The following HERC2 variants were observed in gnomAD, a reference collection of about 807,000 sequenced individuals.
HERC2 encodes HECT and RLD domain containing E3 ubiquitin protein ligase 2.
A neutral mutation model predicts 537.7 loss-of-function variants in HERC2; 102 were observed. The ratio of observed to expected loss-of-function variants is 0.19; its 90% CI spans 0.16 to 0.22. The LOEUF is 0.22. Ranked by LOEUF, HERC2 falls within the 10% of genes least tolerant of loss-of-function variation. The pLI is 1.00. For missense variants in HERC2, 4,236 were observed against 6,198.2 expected, an observed-to-expected ratio of 0.68 and a Z score of 10.63; for synonymous variants, 2,224 against 2,466.2, an observed-to-expected ratio of 0.90 and a Z score of 2.91.
Position 28,288,146 on chromosome 15 carries a change from C to T in HERC2, c.322+4742G>A, listed in dbSNP as rs559112159. 4.6e-5 allele frequency among the ~76,000 whole-genome samples: 7 copies of T among 152,174 alleles called. No individual in the cohort carries two copies. The South Asian group carries it at 6.2e-4, about 14-fold the overall frequency. Reference sequence around the variant, plus strand: ...ACTTCTCTGTCAGAAGATCTAGAAACGGTAAAGGGAGATCTTCAAACTGAA... The same window carrying T: ...ACTTCTCTGTCAGAAGATCTAGAAATGGTAAAGGGAGATCTTCAAACTGAA... On this transcript the variant is annotated intron_variant, in intron 4 of 92. Transcript: ENST00000261609.
At chr15:28,264,032 A>C (rs1353475371) in intron 14 of HERC2, among the ~76,000 whole-genome samples, 2 of 151,736 alleles carry the variant, frequency 1.3e-5, no homozygotes, top group African/African-American at 2.4e-5. Flanking sequence ...AAAAAAAAAA[A>C]AAAAAACAAA....
chr15:28,271,626 G>C (rs1278073056), intron 9 of HERC2, among the ~76,000 whole-genome samples: 1 of 151,850 alleles, frequency 6.6e-6, no homozygotes, highest in Non-Finnish European at 1.5e-5. Flanking sequence ...CCGAGATCAC[G>C]CCACTGCACT....
chr15:28,153,054 A>G (rs1223658271), intron 69 of HERC2, among the ~76,000 whole-genome samples: 1 of 152,200 alleles, frequency 6.6e-6, no homozygotes, highest in African/African-American at 2.4e-5. Context: ...GGGATGATCT[A>G]TGTTAAAAAG....
intron 83 of HERC2, among the ~76,000 whole-genome samples, chr15:28,125,805 T>C (rs921273913): frequency 3.3e-5 from 5 of 152,114 alleles, no homozygotes; most frequent in African/African-American, 7.2e-5. Flanking sequence ...TCCCAAAGTG[T>C]TGGGATTACA....
chr15:28,271,835 C>T (rs1567099344), intron 9 of HERC2, among the ~76,000 whole-genome samples: 1 of 152,226 alleles, frequency 6.6e-6, no homozygotes, highest in Non-Finnish European at 1.5e-5. Flanking sequence ...GCTCCTCCCT[C>T]AGCTTGTTGT....
intron 1 of HERC2, among the ~76,000 whole-genome samples, chr15:28,321,866 A>C (rs1486129449): frequency 7.0e-6 from 1 of 143,764 alleles, no homozygotes; most frequent in East Asian, 2.1e-4. Context: ...TGCGTGAAAC[A>C]AAAAATTACT....
intron 11 of HERC2, 99 bp downstream of exon 11, chr15:28,269,149 G>A: frequency 2.3e-6 from 2 of 858,652 alleles, no homozygotes; most frequent in Non-Finnish European, 1.8e-6. Context: ...TCAATCTTCA[G>A]AAATCAAACG....
chr15:28,188,175 T>C (rs1896496773), intron 55 of HERC2, among the ~76,000 whole-genome samples: 1 of 151,934 alleles, frequency 6.6e-6, no homozygotes, highest in Non-Finnish European at 1.5e-5. Flanking sequence ...ATCATCTGAA[T>C]CAGAAACTGC....
chr15:28,228,278 G>GGTT lies in HERC2; in HGVS notation c.5401_5403dup (p.Asn1801dup). The GGTT allele has an allele frequency of 6.2e-7, 1 of 1,613,392 alleles. No individual in the cohort carries two copies. ...ATGCCGGAATTGAGCAGAAGGTCGA[G>GGTT]GTTGTTTGCGCCGTGCTGCAGGGTG... is the stretch of plus-strand genomic sequence containing the variant. On this transcript the variant is annotated inframe_insertion, in exon 35 of 93. Transcript: ENST00000261609.
chr15:28,251,330 C>T (rs1596324435), intron 20 of HERC2, among the ~76,000 whole-genome samples: 1 of 151,896 alleles, frequency 6.6e-6, no homozygotes, highest in Admixed American at 6.6e-5. Context: ...GTAGTCCCAG[C>T]CACTCAGGAG....
chr15:28,239,227 C>T (rs1902788481), intron 23 of HERC2, among the ~76,000 whole-genome samples: 2 of 152,118 alleles, frequency 1.3e-5, no homozygotes, highest in Middle Eastern at 6.8e-3. Flanking sequence ...CAAAATACTG[C>T]AGATCGAAAT....
rs570992506 is a variant in HERC2, at chr15:28,170,000, T to C, written c.10058-345A>G. On this transcript the variant is annotated intron_variant, in intron 65 of 92. Coordinates refer to ENST00000261609, the MANE Select transcript of HERC2 (RefSeq NM_004667.6). ...CCCGGTAAGACAAGACAAAAAAGAA[T>C]ACAAAACAACAAAGAGAAAAGATGT... Among the ~76,000 whole-genome samples, 53 of 152,256 alleles carry C rather than the reference T, an allele frequency of 3.5e-4. No homozygotes were observed. The South Asian group carries it at 9.1e-3, about 26-fold the overall frequency.
intron 16 of HERC2, among the ~76,000 whole-genome samples, chr15:28,258,011 A>G (rs2075312769): frequency 6.6e-6 from 1 of 152,124 alleles, no homozygotes; most frequent in African/African-American, 2.4e-5. Context: ...GCACATACAG[A>G]ATGTTCACTA....
intron 2 of HERC2, among the ~76,000 whole-genome samples, chr15:28,317,388 C>T (rs1232013062): frequency 1.3e-5 from 2 of 152,124 alleles, no homozygotes; most frequent in Admixed American, 6.6e-5. Context: ...CGCGCCCAGC[C>T]GAAGTGACAA....
chr15:28,236,297 CCT>C lies in HERC2; in HGVS notation c.4003+664_4003+665del, dbSNP rs554014660. 3.0e-4 allele frequency among the ~76,000 whole-genome samples: 45 copies of C among 151,464 alleles called. 1 individual carries two copies. In the South Asian group the frequency reaches 9.0e-3, roughly 30 times the overall value. On this transcript the variant is annotated intron_variant, in intron 26 of 92. Coordinates refer to ENST00000261609, the MANE Select transcript of HERC2 (RefSeq NM_004667.6). ...ATCATCATCAGCTGTGTTGAATCCG[CCT>C]CTCCTTTTGAGACGGAGTCTCGCTC...
intron 44 of HERC2, among the ~76,000 whole-genome samples, chr15:28,206,650 G>T (rs375231545): frequency 6.6e-6 from 1 of 151,270 alleles, no homozygotes; most frequent in Non-Finnish European, 1.5e-5. Flanking sequence ...TGGGTAACAC[G>T]GTGAAACCCC....
Position 28,248,654 on chromosome 15 carries a change from G to C in HERC2, c.3133C>G (p.Arg1045Gly). 1 of 1,613,782 alleles carries C rather than the reference G, an allele frequency of 6.2e-7. No homozygotes were observed. The highest frequency in any genetic ancestry group is 1.1e-5 in the South Asian group (1 of 91,070). The change falls in exon 21 of 93, where the codon CGT (arginine) becomes GGT (glycine). Residue 1045 changes from arginine to glycine, a missense_variant. Transcript: ENST00000261609. ...AAATCCAATGAAGCAGATCTTTCAC[G>C]ACTGTGTTGCTCAAAGTCCAGACAT... ...SSCLDFEQHS[R>G]ERSASLDLLL...
Position 28,254,468 on chromosome 15 carries a change from C to T in HERC2, c.2922G>A (p.Gln974=), listed in dbSNP as rs748181272. The T allele has an allele frequency of 6.2e-7, 1 of 1,602,340 alleles. No homozygotes were observed. The highest frequency in any genetic ancestry group is 8.5e-7 in the Non-Finnish European group (1 of 1,176,468). ...TATGAAATGTTGAGGCATTCGCTTC[C>T]TGTTCATCAATTTCTTTTTCCTTCT... ...EAQKEKEIDE[Q]EANASTFHRS... The change falls in exon 20 of 93, where the codon CAG becomes CAA. Residue 974 remains glutamine (Q), a synonymous_variant. Transcript: ENST00000261609.
chr15:28,194,620 G>T (rs1000125755), intron 52 of HERC2, among the ~76,000 whole-genome samples: 1 of 151,756 alleles, frequency 6.6e-6, no homozygotes, highest in Non-Finnish European at 1.5e-5. Context: ...GAGCCACTGT[G>T]CCTGGCCGAT....
Sources: gnomAD v4.1 joint callset for allele counts (sites outside exome capture counted in the v4.1 genomes callset) on GRCh38, gnomAD v4.1.1 for gene constraint, MANE v1.5 for transcripts, NCBI Gene and HGNC (gene_info 2026-07-23, HGNC 2026-07-21) for gene names.